PTGES3L: variants seen among roughly 807,000 people sequenced by gnomAD.
PTGES3L encodes the protein putative protein PTGES3L.
PTGES3L carries 17 observed loss-of-function variants against 25.0 expected under a neutral mutation model. The ratio of observed to expected loss-of-function variants is 0.68; its 90% CI spans 0.47 to 1.02. PTGES3L has a LOEUF of 1.02. Among genes scored for constraint, PTGES3L ranks in the 50% least tolerant of loss-of-function variants. PTGES3L has a pLI of 0.00. For missense variants in PTGES3L, 202 were observed against 197.5 expected (o/e 1.02, Z -0.14); for synonymous variants, 59 against 65.7 (o/e 0.90, Z 0.50).
At chr17:42,979,834 T>G in intron 1 of PTGES3L, 171 bp from the exon 2 acceptor site, 1 of 1,434,624 alleles carries the variant, frequency 7.0e-7, no homozygotes, top group African/African-American at 1.4e-5. Flanking sequence ...GTGTGGTGAA[T>G]GTGAACCTGG....
chr17:42,968,793 A>G lies in PTGES3L; in HGVS notation c.*355T>C. ...TTTTTGCTTTGCCCCATATGCACAC[A>G]TAGTAGAGATTTCTATAATCTGCAT... On this transcript the variant is annotated 3_prime_UTR_variant, in exon 7 of 7. Coordinates refer to ENST00000591916, the MANE Select transcript of PTGES3L (RefSeq NM_001261430.2). 1 of 221,172 alleles carries G rather than the reference A, an allele frequency of 4.5e-6. No homozygotes were observed. Among genetic ancestry groups the G allele is most frequent in the Non-Finnish European group, 8.8e-6 (1 of 113,126 alleles). The allele number at this position is 221,172 out of a possible 1,614,324, so 13.7% of individuals were successfully genotyped here.
At chr17:42,977,481 G>C (rs1274178363) in intron 4 of PTGES3L, among the ~76,000 whole-genome samples, 1 of 151,164 alleles carries the variant, frequency 6.6e-6, no homozygotes, top group African/African-American at 2.4e-5. Context: ...GCACACGCCT[G>C]TAATCCCAGC....
Position 42,970,287 on chromosome 17 carries a change from A to G in PTGES3L, c.432+2T>C. The G allele has an allele frequency of 6.2e-7, 1 of 1,614,004 alleles. No individual in the cohort carries two copies. Among genetic ancestry groups the G allele is most frequent in the Non-Finnish European group, 8.5e-7 (1 of 1,179,898 alleles). ...AAGGGTTGAGGGGAAGGCTTTACTT[A>G]CATCCAAATCATCCATGGCAGGTGG... On this transcript the variant is annotated splice_donor_variant, in intron 6 of 6. Transcript: ENST00000591916. LOFTEE classifies it high-confidence loss of function.
chr17:42,973,161 C>G (rs917197306), intron 4 of PTGES3L, among the ~76,000 whole-genome samples: 1 of 148,736 alleles, frequency 6.7e-6, no homozygotes, highest in Non-Finnish European at 1.5e-5. Flanking sequence ...AGCGTCTCTG[C>G]CCAGCAGCCA....
rs201812997 is a variant in PTGES3L at position 42,979,192 on chromosome 17, C to T, written c.266G>A (p.Arg89Gln). The part of the protein sequence containing the change: ...RKWKEKVAWP[R>Q]LTKEDIKPVW... ...CACCTTGATATCCTCCTTGGTAAGC[C>T]GCGGCCAGGCCACCTTTTCCTTCCA... is the stretch of plus-strand genomic sequence containing the variant. The change falls in exon 4 of 7, where the codon CGG becomes CAG. Residue 89 changes from arginine (R) to glutamine (Q), a missense_variant. Arg to Gln is a conservative substitution (Grantham distance 43). Coordinates refer to ENST00000591916, the MANE Select transcript of PTGES3L (RefSeq NM_001261430.2). 9.3e-6 allele frequency: 15 copies of T among 1,614,090 alleles called. No homozygotes were observed. Among genetic ancestry groups the T allele is most frequent in the Middle Eastern group, 1.6e-4 (1 of 6,062 alleles).
rs1295592694 is a variant in PTGES3L, at chr17:42,971,645, C to T, written c.340G>A (p.Glu114Lys). Residue 114 changes from glutamate (E) to lysine (K), a missense_variant, in exon 5 of 7, where the codon GAA becomes AAA. By Grantham distance (56) the Glu-to-Lys change is moderately conservative. Transcript: ENST00000591916. ...FDNWRDWEGD[E>K]EMELAHVEHY... is the part of the protein sequence containing the mutation. Reference sequence around the variant, plus strand: ...TCCACATGAGCCAGCTCCATCTCTTCATCCCCTTCCCAGTCTCTCCAGTTA... The same window carrying T: ...TCCACATGAGCCAGCTCCATCTCTTTATCCCCTTCCCAGTCTCTCCAGTTA... The T allele has an allele frequency of 1.9e-6, 3 of 1,613,980 alleles. No homozygotes were observed. In the African/African-American group the frequency reaches 4.0e-5, roughly 22 times the overall value.
chr17:42,968,425 G>C lies in PTGES3L; in HGVS notation c.*723C>G, dbSNP rs1341246079. 3.3e-5 allele frequency: 5 copies of C among 152,064 alleles called. No homozygotes were observed. Among genetic ancestry groups the C allele is most frequent in the African/African-American group, 1.2e-4 (5 of 41,352 alleles). The allele number at this position is 152,064 out of a possible 1,614,324, so 9.4% of individuals were successfully genotyped here. On this transcript the variant is annotated 3_prime_UTR_variant, in exon 7 of 7. Transcript: ENST00000591916. Reference sequence around the variant, plus strand: ...GCACATCTGTAGTCCCATCTACTTGGGAGGCTGAGGCAGGAGAATTGCTTG... The same window carrying C: ...GCACATCTGTAGTCCCATCTACTTGCGAGGCTGAGGCAGGAGAATTGCTTG...
chr17:42,969,238 G>A, intron 6 of PTGES3L, 52 bp from the exon 7 acceptor site: 1 of 1,023,600 alleles, frequency 9.8e-7, no homozygotes, highest in Non-Finnish European at 1.5e-6. Flanking sequence ...TGCAAAGCAG[G>A]AACATTTGTG....
At chr17:42,979,101 G>A (rs942559738) in intron 4 of PTGES3L, 69 bp downstream of exon 4, 2 of 1,549,578 alleles carry the variant, frequency 1.3e-6, no homozygotes, top group Non-Finnish European at 1.8e-6. Flanking sequence ...CTGGAAAGGA[G>A]GCAAGGACAA....
intron 6 of PTGES3L, among the ~76,000 whole-genome samples, chr17:42,969,944 T>A (rs1205125958): frequency 6.6e-6 from 1 of 151,744 alleles, no homozygotes; most frequent in Non-Finnish European, 1.5e-5. Flanking sequence ...CTGGCTAACA[T>A]GGCAAAACCC....
intron 4 of PTGES3L, among the ~76,000 whole-genome samples, chr17:42,977,315 AC>A (rs1286580932): frequency 1.3e-5 from 2 of 152,014 alleles, no homozygotes; most frequent in Admixed American, 1.3e-4. Flanking sequence ...AATCCCAGCT[AC>A]TCAGGAGGCT....
chr17:42,979,886 G>A lies in PTGES3L; in HGVS notation c.8+160C>T, dbSNP rs2050043524. 6.9e-6 allele frequency: 10 copies of A among 1,445,182 alleles called. No homozygotes were observed. In the South Asian group the frequency reaches 1.5e-4, roughly 21 times the overall value. The allele number at this position is 1,445,182 out of a possible 1,614,324, so 89.5% of individuals were successfully genotyped here. ...AAGACTAGGAAACTAGGAGGTCAGGGAGAACATTCAGGTCACACCTTCCCT... is the reference window on the plus strand; with the variant it reads ...AAGACTAGGAAACTAGGAGGTCAGGAAGAACATTCAGGTCACACCTTCCCT... On this transcript the variant is annotated intron_variant, in intron 1 of 6. Transcript: ENST00000591916.
chr17:42,978,714 A>AC (rs1294468668), intron 4 of PTGES3L, among the ~76,000 whole-genome samples: 1 of 150,966 alleles, frequency 6.6e-6, no homozygotes, highest in Admixed American at 6.6e-5. Flanking sequence ...TTAAGTTAAA[A>AC]AATAAGCCAG....
rs1567725927 is a variant in PTGES3L at position 42,979,109 on chromosome 17, C to T, written c.288+61G>A. The stretch of plus-strand genomic sequence containing the variant: ...ATATTGGCTGGAAAGGAGGCAAGGA[C>T]AATCCCAGCTGTAACCTGGGTACAT... On this transcript the variant is annotated intron_variant, in intron 4 of 6. Transcript: ENST00000591916. The T allele has an allele frequency of 5.7e-6, 9 of 1,581,886 alleles. No homozygotes were observed. The South Asian group carries it at 1.0e-4, about 17-fold the overall frequency.
chr17:42,977,628 AAAAAGAAAG>A (rs2049979641), intron 4 of PTGES3L, among the ~76,000 whole-genome samples: 1 of 18,506 alleles, frequency 5.4e-5, no homozygotes, highest in Admixed American at 1.1e-3. Context: ...AGAAAAGAAG[AAAAAGAAAG>A]AAAGAGAGAG....
chr17:42,972,341 C>A, intron 4 of PTGES3L, among the ~76,000 whole-genome samples: 1 of 104,414 alleles, frequency 9.6e-6, no homozygotes, highest in African/African-American at 3.4e-5. Context: ...CTCCCCCTCC[C>A]CATGGTCTCC....
chr17:42,971,745 A>G, intron 4 of PTGES3L, 49 bp from the exon 5 acceptor site: 1 of 1,603,264 alleles, frequency 6.2e-7, no homozygotes, highest in Non-Finnish European at 8.5e-7. Context: ...CAGGAGCAGG[A>G]GTGTGTGGGA....
intron 4 of PTGES3L, among the ~76,000 whole-genome samples, chr17:42,976,025 C>G (rs942068138): frequency 2.0e-5 from 3 of 151,782 alleles, no homozygotes; most frequent in Non-Finnish European, 4.4e-5. Flanking sequence ...CTCTATTGCA[C>G]AGGCAGGAGT....
rs751826003 is a variant in PTGES3L, at chr17:42,970,269, G to A, written c.432+20C>T. The A allele has an allele frequency of 2.5e-6, 4 of 1,613,872 alleles. No individual in the cohort carries two copies. The South Asian group carries it at 4.4e-5, about 18-fold the overall frequency. On this transcript the variant is annotated intron_variant, in intron 6 of 6. Transcript: ENST00000591916. ...AGGGCTACAAAGAAACTGAAGGGTTGAGGGGAAGGCTTTACTTACATCCAA... is the reference window on the plus strand; with the variant it reads ...AGGGCTACAAAGAAACTGAAGGGTTAAGGGGAAGGCTTTACTTACATCCAA...
Sources: gnomAD v4.1 joint callset for allele counts (sites outside exome capture counted in the v4.1 genomes callset) on GRCh38, gnomAD v4.1.1 for gene constraint, MANE v1.5 for transcripts, NCBI Gene and HGNC (gene_info 2026-07-23, HGNC 2026-07-21) for gene names.